The following PTPRD variants were observed in gnomAD, a reference collection of about 807,000 sequenced individuals.
PTPRD encodes the protein receptor-type tyrosine-protein phosphatase delta.
A neutral mutation model predicts 214.5 loss-of-function variants in PTPRD; 34 were observed. That is an observed-to-expected ratio of 0.16 (90% CI 0.12 to 0.21). The LOEUF is 0.21. Ranked by LOEUF, PTPRD falls within the 10% of genes least tolerant of loss-of-function variation. The probability of loss-of-function intolerance (pLI) is 1.00; values close to 1 mark genes in which losing one functional copy is unlikely to be tolerated. For missense variants in PTPRD, 2,545 were observed against 2,398.7 expected, an observed-to-expected ratio of 1.06 and a Z score of -1.27; for synonymous variants, 1,128 against 845.7, an observed-to-expected ratio of 1.33 and a Z score of -5.79.
intron 5 of PTPRD, among the ~76,000 whole-genome samples, chr9:9,880,768 C>G (rs987065782): frequency 2.6e-5 from 4 of 152,130 alleles, no homozygotes. Flanking sequence ...CTATTAAATT[C>G]AGCCAAGCAT....
intron 7 of PTPRD, among the ~76,000 whole-genome samples, chr9:9,616,796 C>A (rs750834790): frequency 2.6e-5 from 4 of 152,136 alleles, no homozygotes; most frequent in African/African-American, 9.7e-5. Flanking sequence ...GGCTGCTCTG[C>A]CTATGGAGTA....
intron 11 of PTPRD, among the ~76,000 whole-genome samples, chr9:8,941,076 T>C (rs1342036606): frequency 2.0e-5 from 3 of 152,076 alleles, no homozygotes; most frequent in African/African-American, 7.2e-5. Context: ...TCTCAAGAAA[T>C]CATTTGTGAT....
chr9:9,009,715 T>C (rs1567568083), intron 11 of PTPRD, among the ~76,000 whole-genome samples: 1 of 152,126 alleles, frequency 6.6e-6, no homozygotes, highest in Non-Finnish European at 1.5e-5. Context: ...GATTTCATTC[T>C]GTGATGTATG....
At chr9:9,868,022 A>G (rs929600067) in intron 5 of PTPRD, among the ~76,000 whole-genome samples, 34 of 152,250 alleles carry the variant, frequency 2.2e-4, no homozygotes, top group African/African-American at 8.2e-4. Context: ...GGGAGTATAA[A>G]GGGACTTGGT....
intron 44 of PTPRD, among the ~76,000 whole-genome samples, chr9:8,330,931 G>C (rs1272849576): frequency 6.6e-6 from 1 of 152,000 alleles, no homozygotes; most frequent in Non-Finnish European, 1.5e-5. Context: ...AATTGCTTTT[G>C]TTAGAAGGTT....
At chr9:10,454,347 G>A (rs2130964814) in intron 2 of PTPRD, among the ~76,000 whole-genome samples, 1 of 151,228 alleles carries the variant, frequency 6.6e-6, no homozygotes, top group Admixed American at 6.6e-5. Context: ...AATAGTACAG[G>A]GTTTTACAGT....
rs77719439 is a variant in PTPRD at position 8,439,709 on chromosome 9, T to A, written c.3989-3020A>T. Among the ~76,000 whole-genome samples, 532 of 152,214 alleles carry A rather than the reference T, an allele frequency of 3.5e-3. 1 individual carries two copies. The highest frequency in any genetic ancestry group is 0.013 in the African/African-American group (520 of 41,534). ...TCTACTTCAAAATATTGTTACACAA[T>A]TCTGCAGAAACATCTCCGCTGCCCA... On this transcript the variant is annotated intron_variant, in intron 34 of 45. Coordinates refer to ENST00000381196, the MANE Select transcript of PTPRD (RefSeq NM_002839.4).
At position 9,053,223 on chromosome 9, in the gene PTPRD, A is replaced by C. The variant is rs955534314; in HGVS notation, c.-142-34488T>G. 2.6e-5 allele frequency among the ~76,000 whole-genome samples: 4 copies of C among 152,196 alleles called. No homozygotes were observed. In the South Asian group the frequency reaches 6.2e-4, roughly 24 times the overall value. ...ATAATAGTATAACATAGTGGTTTAC[A>C]TTATGGGATCTGTTCACAGAGGGCT... is the stretch of plus-strand genomic sequence containing the variant. On this transcript the variant is annotated intron_variant, in intron 10 of 45. Transcript: ENST00000381196.
At chr9:9,493,093 G>C (rs1437130039) in intron 8 of PTPRD, among the ~76,000 whole-genome samples, 1 of 151,084 alleles carries the variant, frequency 6.6e-6, no homozygotes, top group East Asian at 2.0e-4. Flanking sequence ...ACCCTAAAAG[G>C]CCTCTAAGTG....
At chr9:8,329,844 AATGGCAG>A (rs1402490579) in intron 44 of PTPRD, among the ~76,000 whole-genome samples, 2 of 152,122 alleles carry the variant, frequency 1.3e-5, no homozygotes, top group Non-Finnish European at 2.9e-5. Context: ...TAGCCTCAGC[AATGGCAG>A]ATGCCTCTCC....
chr9:8,656,583 T>A (rs188840526), intron 12 of PTPRD, among the ~76,000 whole-genome samples: 12 of 152,286 alleles, frequency 7.9e-5, no homozygotes, highest in Admixed American at 7.8e-4. Context: ...AATAGTGAGG[T>A]ATTTCCCTCC....
At chr9:9,931,469 G>C (rs964448034) in intron 5 of PTPRD, among the ~76,000 whole-genome samples, 24 of 152,178 alleles carry the variant, frequency 1.6e-4, no homozygotes, top group Non-Finnish European at 2.6e-4. Flanking sequence ...GGTGACAGAT[G>C]GCACCTGGAA....
chr9:8,857,650 GC>G, intron 11 of PTPRD: 1 of 157,414 alleles, frequency 6.4e-6, no homozygotes, highest in Non-Finnish European at 1.4e-5. Context: ...GGTCATGTTG[GC>G]CCCGGGCAGC....
At chr9:9,318,103 G>A (rs976256843) in intron 9 of PTPRD, among the ~76,000 whole-genome samples, 17 of 151,790 alleles carry the variant, frequency 1.1e-4, no homozygotes, top group African/African-American at 3.1e-4. Flanking sequence ...CCAGGGATGC[G>A]GAGGTTGCAG....
At chr9:10,591,053 C>T (rs983698298) in intron 2 of PTPRD, among the ~76,000 whole-genome samples, 1 of 151,768 alleles carries the variant, frequency 6.6e-6, no homozygotes, top group African/African-American at 2.4e-5. Flanking sequence ...TACTTACAAT[C>T]CCAAGGAAAA....
At chr9:10,586,547 G>C (rs1043551469) in intron 2 of PTPRD, among the ~76,000 whole-genome samples, 4 of 152,036 alleles carry the variant, frequency 2.6e-5, no homozygotes, top group Non-Finnish European at 5.9e-5. Context: ...AGTTAGTCAT[G>C]AGGGAAATAA....
At chr9:10,062,732 C>G (rs2097796747) in intron 3 of PTPRD, among the ~76,000 whole-genome samples, 1 of 151,896 alleles carries the variant, frequency 6.6e-6, no homozygotes, top group Non-Finnish European at 1.5e-5. Context: ...TTGCCCATTT[C>G]AACATCTTTC....
At position 10,503,944 on chromosome 9, in the gene PTPRD, A is replaced by G. The variant is rs574746874; in HGVS notation, c.-600+108454T>C. On this transcript the variant is annotated intron_variant, in intron 2 of 45. Coordinates refer to ENST00000381196, the MANE Select transcript of PTPRD (RefSeq NM_002839.4). ...ATCCTGGCTAACACGGTGAAACCCC[A>G]TCTCTACTAAAAATACAAAAAATTA... Among the ~76,000 whole-genome samples, 248 of 151,236 alleles carry G rather than the reference A, an allele frequency of 1.6e-3. 2 individuals are homozygous for G. The highest frequency in any genetic ancestry group is 2.5e-3 in the Non-Finnish European group (169 of 67,762).
At chr9:8,415,580 G>C (rs939757346) in intron 35 of PTPRD, among the ~76,000 whole-genome samples, 2 of 148,464 alleles carry the variant, frequency 1.3e-5, no homozygotes, top group Non-Finnish European at 3.0e-5. Flanking sequence ...CCTATTGTTT[G>C]AGTATTACAC....
Sources: allele counts gnomAD v4.1 joint callset (sites outside exome capture counted in the v4.1 genomes callset), GRCh38; gene constraint gnomAD v4.1.1; transcripts MANE v1.5; gene names NCBI Gene and HGNC (gene_info 2026-07-23, HGNC 2026-07-21).